The following DSCAM variants were observed in gnomAD, a reference collection of about 807,000 sequenced individuals.
The protein encoded by DSCAM is DS cell adhesion molecule, also known as cell adhesion molecule DSCAM.
Under a neutral mutation model 217.7 loss-of-function variants are expected in DSCAM, and 47 were observed. That is an observed-to-expected ratio of 0.22 (90% CI 0.17 to 0.28). The LOEUF (loss-of-function observed/expected upper bound fraction) is 0.28, where lower values mean the gene tolerates loss of function less well. Among genes scored for constraint, DSCAM ranks in the 10% least tolerant of loss-of-function variants. DSCAM has a pLI of 1.00. For synonymous variants in DSCAM, 1,056 were observed against 1,015.3 expected (o/e 1.04, Z -0.76); for missense variants, 2,080 against 2,618.3 (o/e 0.79, Z 4.49).
chr21:40,154,431 T>C (rs1014023917), intron 16 of DSCAM, among the ~76,000 whole-genome samples: 1 of 152,018 alleles, frequency 6.6e-6, no homozygotes, highest in Non-Finnish European at 1.5e-5. Context: ...TTTGAACTTT[T>C]TTTGTAGAGA....
chr21:40,376,589 T>TATATAGATATCGATATCTATATATCTTAG lies in DSCAM; in HGVS notation c.509-7345_509-7344insCTAAGATATATAGATATCGATATCTATAT, dbSNP rs760098848. 3.6e-4 allele frequency among the ~76,000 whole-genome samples: 5 copies of TATATAGATATCGATATCTATATATCTTAG among 14,076 alleles called. 1 individual carries two copies. Among genetic ancestry groups the TATATAGATATCGATATCTATATATCTTAG allele is most frequent in the African/African-American group, 1.1e-3 (4 of 3,602 alleles). The allele number at this position is 14,076 out of a possible 152,430, so 9.2% of individuals were successfully genotyped here. ...ATCTTATATCGATATCTATATATCT[T>TATATAGATATCGATATCTATATATCTTAG]ATATCGATATCTATATATCTTATAT... is the stretch of plus-strand genomic sequence containing the variant. On this transcript the variant is annotated intron_variant, in intron 3 of 32. Coordinates refer to ENST00000400454, the MANE Select transcript of DSCAM (RefSeq NM_001389.5).
chr21:40,145,881 G>T (rs962494541), intron 16 of DSCAM, among the ~76,000 whole-genome samples: 2 of 151,770 alleles, frequency 1.3e-5, no homozygotes, highest in Admixed American at 6.6e-5. Context: ...CCACCAAGAT[G>T]AGGCTCTAGG....
At chr21:40,641,113 A>G (rs1449908010) in intron 3 of DSCAM, among the ~76,000 whole-genome samples, 4 of 152,188 alleles carry the variant, frequency 2.6e-5, no homozygotes, top group Admixed American at 2.6e-4. Context: ...GCTGCATGGA[A>G]TTTTACATAT....
At chr21:40,029,733 T>G (rs2088480786) in intron 32 of DSCAM, among the ~76,000 whole-genome samples, 1 of 152,190 alleles carries the variant, frequency 6.6e-6, no homozygotes, top group Admixed American at 6.5e-5. Context: ...AGTCTGGGTA[T>G]CTGTCATGTT....
At chr21:40,301,707 A>C (rs1016346562) in intron 9 of DSCAM, among the ~76,000 whole-genome samples, 2 of 134,254 alleles carry the variant, frequency 1.5e-5, no homozygotes, top group African/African-American at 6.8e-5. Flanking sequence ...TGGCATGCCC[A>C]GCGCACAGCA....
chr21:40,466,373 C>G (rs1234720155), intron 3 of DSCAM, among the ~76,000 whole-genome samples: 1 of 152,022 alleles, frequency 6.6e-6, no homozygotes, highest in Non-Finnish European at 1.5e-5. Flanking sequence ...GATTGTTGAT[C>G]CACGTAGCCC....
At chr21:40,451,161 T>C (rs565865539) in intron 3 of DSCAM, among the ~76,000 whole-genome samples, 5 of 152,162 alleles carry the variant, frequency 3.3e-5, no homozygotes, top group East Asian at 1.9e-4. Flanking sequence ...CCACTGGAAT[T>C]TGGATCGCCT....
intron 21 of DSCAM, among the ~76,000 whole-genome samples, chr21:40,092,878 C>T (rs981982355): frequency 1.3e-5 from 2 of 151,876 alleles, no homozygotes; most frequent in Non-Finnish European, 2.9e-5. Flanking sequence ...CCTCTTTTTT[C>T]CCCTCACTGC....
At chr21:40,519,842 C>T (rs576737567) in intron 3 of DSCAM, among the ~76,000 whole-genome samples, 4 of 147,798 alleles carry the variant, frequency 2.7e-5, no homozygotes, top group Non-Finnish European at 5.9e-5. Flanking sequence ...CTCACTCTCT[C>T]TCTCTCTCTG....
chr21:40,376,933 T>C (rs2074969911), intron 3 of DSCAM, among the ~76,000 whole-genome samples: 1 of 151,880 alleles, frequency 6.6e-6, no homozygotes, highest in Non-Finnish European at 1.5e-5. Context: ...TAACCTGCAG[T>C]ACCTCGGGAT....
intron 16 of DSCAM, among the ~76,000 whole-genome samples, chr21:40,156,297 G>C (rs1225578080): frequency 1.0e-4 from 10 of 98,162 alleles, no homozygotes; most frequent in African/African-American, 4.4e-4. Context: ...CAGAGAGAGA[G>C]AGAGAGAGAG....
chr21:40,795,394 G>C (rs189062667), intron 1 of DSCAM, among the ~76,000 whole-genome samples: 45 of 151,644 alleles, frequency 3.0e-4, no homozygotes, highest in African/African-American at 1.1e-3. Flanking sequence ...TTCCTGGACT[G>C]TTCACAAGCT....
At position 40,240,063 on chromosome 21, in the gene DSCAM, T is replaced by C. The variant is rs189353059; in HGVS notation, c.2356+36034A>G. Among the ~76,000 whole-genome samples the C allele has an allele frequency of 1.5e-3, 225 of 152,266 alleles. 1 individual carries two copies. Among genetic ancestry groups the C allele is most frequent in the Admixed American group, 3.2e-3 (49 of 15,298 alleles). ...CCAGAGATCTTGTTGGAACACAAAT[T>C]GCCAGGGTACAACCCAGGGGAATTT... is the stretch of plus-strand genomic sequence containing the variant. On this transcript the variant is annotated intron_variant, in intron 11 of 32. Transcript: ENST00000400454.
rs749523498 is a variant in DSCAM, at chr21:40,011,377, A to T, written c.*1657T>A. 6.6e-5 allele frequency: 10 copies of T among 152,214 alleles called. No homozygotes were observed. The highest frequency in any genetic ancestry group is 4.4e-5 in the Non-Finnish European group (3 of 68,050). The allele number at this position is 152,214 out of a possible 1,614,324, so 9.4% of individuals were successfully genotyped here. A position where few individuals can be genotyped will look rare whatever the true frequency, so the allele number is the denominator to read the frequency against. On this transcript the variant is annotated 3_prime_UTR_variant, in exon 33 of 33. Transcript: ENST00000400454. ...GAAAGAAGGAGGGAGGGAGGGAAGG[A>T]AAGACATTTCTGAATATGTTCCCAA... is the stretch of plus-strand genomic sequence containing the variant.
intron 1 of DSCAM, among the ~76,000 whole-genome samples, chr21:40,782,859 T>G (rs1350802626): frequency 6.6e-6 from 1 of 152,232 alleles, no homozygotes; most frequent in African/African-American, 2.4e-5. Flanking sequence ...GCAAGTGACC[T>G]TCCACTTATT....
At chr21:40,265,139 C>T (rs2073507041) in intron 11 of DSCAM, among the ~76,000 whole-genome samples, 3 of 151,688 alleles carry the variant, frequency 2.0e-5, no homozygotes, top group Admixed American at 2.0e-4. Context: ...TTGCAGTGAG[C>T]CGAAATCGTA....
At chr21:40,425,160 A>C (rs186415645) in intron 3 of DSCAM, among the ~76,000 whole-genome samples, 89 of 152,328 alleles carry the variant, frequency 5.8e-4, no homozygotes, top group Non-Finnish European at 4.3e-4. Context: ...TACAACTCCA[A>C]AACAGAACCA....
At position 40,360,121 on chromosome 21, in the gene DSCAM, G is replaced by GTTTTTTTTTTTT. The variant is rs764160478; in HGVS notation, c.656-6379_656-6378insAAAAAAAAAAAA. Among the ~76,000 whole-genome samples, 20 of 82,656 alleles carry GTTTTTTTTTTTT rather than the reference G, an allele frequency of 2.4e-4. 10 individuals carry two copies. The highest frequency in any genetic ancestry group is 3.0e-4 in the African/African-American group (6 of 19,900). 54.2% of individuals were successfully genotyped at this position (82,656 alleles called of 152,430 possible). ...TAGTGAGCATGGTACTTCATAGGTAGTCTTTTTTTTTTTTTTTTTTTTTTT... is the reference window on the plus strand; with the variant it reads ...TAGTGAGCATGGTACTTCATAGGTAGTTTTTTTTTTTTTCTTTTTTTTTTTTTTTTTTTTTTT... On this transcript the variant is annotated intron_variant, in intron 4 of 32. Transcript: ENST00000400454.
At chr21:40,518,646 GTATATATGTGTA>G (rs1203381809) in intron 3 of DSCAM, among the ~76,000 whole-genome samples, 5 of 125,566 alleles carry the variant, frequency 4.0e-5, no homozygotes, top group African/African-American at 1.6e-4. Context: ...ATATATACAT[GTATATATGTGTA>G]TATATATGTG....
Sources: gnomAD v4.1 joint callset for allele counts (sites outside exome capture counted in the v4.1 genomes callset) on GRCh38, gnomAD v4.1.1 for gene constraint, MANE v1.5 for transcripts, NCBI Gene and HGNC (gene_info 2026-07-23, HGNC 2026-07-21) for gene names.